EXOC4: variants seen among roughly 807,000 people sequenced by gnomAD.
EXOC4 encodes SEC8-like 1.
Under a neutral mutation model 107.2 loss-of-function variants are expected in EXOC4, and 71 were observed. The observed-to-expected ratio is 0.66, with a 90% CI of 0.55 to 0.81. The LOEUF is 0.81. EXOC4 is among the 30% of genes least tolerant of loss of function. EXOC4 has a pLI of 0.00. For missense variants in EXOC4, 1,108 were observed against 1,189.6 expected, an observed-to-expected ratio of 0.93 and a Z score of 1.01; for synonymous variants, 456 against 441.2, an observed-to-expected ratio of 1.03 and a Z score of -0.42.
At chr7:133,867,897 T>C (rs1035222190) in intron 11 of EXOC4, among the ~76,000 whole-genome samples, 2 of 152,236 alleles carry the variant, frequency 1.3e-5, no homozygotes, top group African/African-American at 2.4e-5. Context: ...TCTTACTGTA[T>C]GGTTTAAGGG....
intron 1 of EXOC4, among the ~76,000 whole-genome samples, chr7:133,260,475 T>C (rs1003711647): frequency 2.6e-5 from 4 of 152,192 alleles, no homozygotes; most frequent in African/African-American, 4.8e-5. Flanking sequence ...GATTTCACCA[T>C]GTTGGTCAGG....
chr7:133,500,473 T>C (rs1322457150), intron 9 of EXOC4, among the ~76,000 whole-genome samples: 3 of 152,240 alleles, frequency 2.0e-5, no homozygotes, highest in Admixed American at 2.0e-4. Context: ...CTTCAGTAGT[T>C]GTTCCTTTCA....
rs2150581725 is a variant in EXOC4, at chr7:133,317,359, C to T, written c.732C>T (p.Thr244=). 2 of 1,611,078 alleles carry T rather than the reference C, an allele frequency of 1.2e-6. No homozygotes were observed. Among genetic ancestry groups the T allele is most frequent in the Middle Eastern group, 3.3e-4 (2 of 6,056 alleles). The change falls in exon 5 of 18, where the codon ACC becomes ACT. Residue 244 remains threonine (T), a synonymous_variant. Coordinates refer to ENST00000253861, the MANE Select transcript of EXOC4 (RefSeq NM_021807.4). ...NLPTPRKFLD[T]SHYSTAGSSS... ...CTACTCCTCGAAAATTCCTTGATAC[C>T]TCTCACTATTCTACTGCTGGAAGCT...
intron 11 of EXOC4, among the ~76,000 whole-genome samples, chr7:133,856,849 T>G (rs991339949): frequency 6.6e-6 from 1 of 151,472 alleles, no homozygotes; most frequent in Non-Finnish European, 1.5e-5. Flanking sequence ...GTGTGTTAGC[T>G]CAGCACTTTG....
intron 9 of EXOC4, among the ~76,000 whole-genome samples, chr7:133,570,724 T>G (rs1456467508): frequency 1.3e-5 from 2 of 152,162 alleles, no homozygotes; most frequent in Non-Finnish European, 1.5e-5. Flanking sequence ...AATATTTTTT[T>G]TTGATGTATG....
At chr7:133,953,609 C>T (rs1363589729) in intron 14 of EXOC4, among the ~76,000 whole-genome samples, 4 of 151,862 alleles carry the variant, frequency 2.6e-5, no homozygotes, top group African/African-American at 9.7e-5. Context: ...TGTGATTGCA[C>T]CACTGCACTC....
intron 9 of EXOC4, among the ~76,000 whole-genome samples, chr7:133,529,685 A>C (rs1020346268): frequency 1.3e-5 from 2 of 152,148 alleles, no homozygotes; most frequent in African/African-American, 4.8e-5. Flanking sequence ...GTATAAATTT[A>C]GATGTCTGTA....
chr7:133,259,729 A>AT (rs1156247020), intron 1 of EXOC4, among the ~76,000 whole-genome samples: 4 of 152,228 alleles, frequency 2.6e-5, no homozygotes, highest in African/African-American at 4.8e-5. Context: ...TTGATATTAG[A>AT]TGAACCTAAT....
chr7:133,452,997 A>G (rs1222593746), intron 7 of EXOC4, among the ~76,000 whole-genome samples: 4 of 129,914 alleles, frequency 3.1e-5, no homozygotes, highest in African/African-American at 1.3e-4. Flanking sequence ...GCCAGTCTGT[A>G]AGTTTTATCA....
At chr7:133,367,818 G>A (rs894471070) in intron 6 of EXOC4, among the ~76,000 whole-genome samples, 9 of 152,184 alleles carry the variant, frequency 5.9e-5, no homozygotes, top group African/African-American at 1.9e-4. Flanking sequence ...CATGTTGTGA[G>A]TAATTAGGAA....
Position 133,618,518 on chromosome 7 carries a change from G to A in EXOC4, c.1418-11527G>A, listed in dbSNP as rs114406673. ...GAAAATGAAAATTTTGGGTTTACAT[G>A]TAAGTGTGCTAGACAAATGTGGAGC... is the stretch of plus-strand genomic sequence containing the variant. On this transcript the variant is annotated intron_variant, in intron 9 of 17. Transcript: ENST00000253861. Among the ~76,000 whole-genome samples, 734 of 152,226 alleles carry A rather than the reference G, an allele frequency of 4.8e-3. 3 individuals carry two copies. Among genetic ancestry groups the A allele is most frequent in the Middle Eastern group, 0.017 (5 of 294 alleles).
At chr7:133,254,277 T>G (rs1794962342) in intron 1 of EXOC4, among the ~76,000 whole-genome samples, 1 of 152,222 alleles carries the variant, frequency 6.6e-6, no homozygotes, top group Non-Finnish European at 1.5e-5. Flanking sequence ...TATTAAATCA[T>G]TACTTTAATT....
rs1795360204 is a variant in EXOC4 at position 133,732,972 on chromosome 7, G to A, written c.1515-84353G>A. Reference sequence around the variant, plus strand: ...CATGGAACATATTTTGTCACTGGTAGGATCCATGCCATGAAAGTTAGGCAG... The same window carrying A: ...CATGGAACATATTTTGTCACTGGTAAGATCCATGCCATGAAAGTTAGGCAG... On this transcript the variant is annotated intron_variant, in intron 10 of 17. Transcript: ENST00000253861. 3 of 160,264 alleles carry A rather than the reference G, an allele frequency of 1.9e-5. 1 individual carries two copies. In the South Asian group the frequency reaches 4.9e-4, roughly 26 times the overall value. 9.9% of individuals were successfully genotyped at this position (160,264 alleles called of 1,614,324 possible).
At chr7:133,582,426 T>G (rs1801300563) in intron 9 of EXOC4, among the ~76,000 whole-genome samples, 1 of 152,196 alleles carries the variant, frequency 6.6e-6, no homozygotes, top group Admixed American at 6.5e-5. Flanking sequence ...AAAGCCTAAT[T>G]GTTAAAGTGT....
intron 10 of EXOC4, among the ~76,000 whole-genome samples, chr7:133,674,105 G>A (rs1356060754): frequency 6.6e-6 from 1 of 152,178 alleles, no homozygotes; most frequent in East Asian, 1.9e-4. Context: ...ATGCAGAGCT[G>A]GAGCTTGCCT....
chr7:133,284,019 T>C (rs1314736845), intron 2 of EXOC4, among the ~76,000 whole-genome samples: 1 of 152,248 alleles, frequency 6.6e-6, no homozygotes, highest in Non-Finnish European at 1.5e-5. Flanking sequence ...GTATTAAAAG[T>C]TCCTGTAGTT....
rs374446590 is a variant in EXOC4 at position 133,513,699 on chromosome 7, G to A, written c.1417+33561G>A. Reference sequence around the variant, plus strand: ...TAGTCTTTGTTTCCTTCTTTCTTTTGGAGTTAGAAATTGGATATAAGAATG... The same window carrying A: ...TAGTCTTTGTTTCCTTCTTTCTTTTAGAGTTAGAAATTGGATATAAGAATG... On this transcript the variant is annotated intron_variant, in intron 9 of 17. Coordinates refer to ENST00000253861, the MANE Select transcript of EXOC4 (RefSeq NM_021807.4). Among the ~76,000 whole-genome samples, 48 of 152,148 alleles carry A rather than the reference G, an allele frequency of 3.2e-4. No homozygotes were observed. The East Asian group carries it at 5.0e-3, about 16-fold the overall frequency.
Position 133,374,857 on chromosome 7 carries a change from T to C in EXOC4, c.1037T>C (p.Phe346Ser), listed in dbSNP as rs1257517214. ...CTTCTAGAACTGCTGGAGTTACTGT[T>C]TGACAAGTTTAATGCTGTAGCCGCT... ...RLLLELLELL[F>S]DKFNAVAAAH... Residue 346 changes from phenylalanine (F) to serine (S), a missense_variant, in exon 7 of 18, where the codon TTT (phenylalanine) becomes TCT (serine). Physicochemically the swap from Phe to Ser is radical, Grantham distance 155. Transcript: ENST00000253861. The C allele has an allele frequency of 2.5e-6, 4 of 1,613,796 alleles. No homozygotes were observed. The highest frequency in any genetic ancestry group is 3.4e-6 in the Non-Finnish European group (4 of 1,179,738).
chr7:133,289,276 T>C (rs1387088060), intron 3 of EXOC4, among the ~76,000 whole-genome samples, 160 bp downstream of exon 3: 1 of 152,270 alleles, frequency 6.6e-6, no homozygotes, highest in African/African-American at 2.4e-5. Flanking sequence ...CTAATTCCAG[T>C]GTTTGAAATG....
Sources: gnomAD v4.1 joint callset for allele counts (sites outside exome capture counted in the v4.1 genomes callset) on GRCh38, gnomAD v4.1.1 for gene constraint, MANE v1.5 for transcripts, NCBI Gene and HGNC (gene_info 2026-07-23, HGNC 2026-07-21) for gene names.